The following NEGR1 variants were observed in gnomAD, a reference collection of about 807,000 sequenced individuals.
The protein encoded by NEGR1 is neuronal growth regulator 1.
In NEGR1, 10 loss-of-function variants were observed where a neutral mutation model predicts 40.9. That is an observed-to-expected ratio of 0.24 (90% confidence interval 0.15 to 0.42). NEGR1 has a LOEUF of 0.42. Ranked by LOEUF, NEGR1 falls within the 10% of genes least tolerant of loss-of-function variation. The probability of loss-of-function intolerance (pLI) is 1.00; values close to 1 mark genes in which losing one functional copy is unlikely to be tolerated. For missense variants in NEGR1, 352 were observed against 438.9 expected (o/e 0.80, Z 1.77); for synonymous variants, 185 against 166.8 (o/e 1.11, Z -0.84).
chr1:71,572,964 T>G (rs1194326918), intron 6 of NEGR1, among the ~76,000 whole-genome samples: 1 of 152,208 alleles, frequency 6.6e-6, no homozygotes, highest in Admixed American at 6.5e-5. Context: ...TACTCCTGGA[T>G]AAGCGTAGTT....
At chr1:71,486,603 C>G (rs1044630179) in intron 6 of NEGR1, 1 of 151,360 alleles carries the variant, frequency 6.6e-6, no homozygotes, top group Non-Finnish European at 1.5e-5. Context: ...CCTCTTATTG[C>G]TAGTTTAGCT....
chr1:71,548,463 C>T (rs2101465961), intron 6 of NEGR1, among the ~76,000 whole-genome samples: 1 of 151,698 alleles, frequency 6.6e-6, no homozygotes, highest in Admixed American at 6.6e-5. Flanking sequence ...ACAAATTTGT[C>T]AACCTTCAGA....
intron 1 of NEGR1, among the ~76,000 whole-genome samples, chr1:72,164,112 T>C (rs2821296): frequency 0.52 from 78,689 of 151,446 alleles, 21,174 homozygotes; most frequent in East Asian, 0.84. Flanking sequence ...GAGAAAAGTA[T>C]GCAGACTATG....
intron 3 of NEGR1, among the ~76,000 whole-genome samples, chr1:71,706,546 C>A (rs1197487159): frequency 1.4e-5 from 2 of 143,442 alleles, no homozygotes; most frequent in African/African-American, 5.2e-5. Context: ...TAACCCCAGG[C>A]TGCCACAGTT....
At chr1:71,899,365 G>A (rs575554289) in intron 2 of NEGR1, among the ~76,000 whole-genome samples, 22 of 152,028 alleles carry the variant, frequency 1.4e-4, no homozygotes, top group Non-Finnish European at 3.2e-4. Context: ...TGAGTAGGAA[G>A]ATGCAGATGG....
intron 4 of NEGR1, among the ~76,000 whole-genome samples, chr1:71,677,371 C>T (rs1051393073): frequency 6.6e-6 from 1 of 151,866 alleles, no homozygotes; most frequent in Non-Finnish European, 1.5e-5. Flanking sequence ...CCTTTAAATC[C>T]AATTCATAGC....
intron 4 of NEGR1, among the ~76,000 whole-genome samples, chr1:71,676,962 G>A (rs1652663058): frequency 6.6e-6 from 1 of 152,024 alleles, no homozygotes; most frequent in African/African-American, 2.4e-5. Flanking sequence ...TTAAAGCTTG[G>A]GCTTTCCAAT....
intron 6 of NEGR1, among the ~76,000 whole-genome samples, chr1:71,552,526 GAATA>G (rs1384017045): frequency 6.8e-6 from 1 of 147,174 alleles, no homozygotes; most frequent in Non-Finnish European, 1.5e-5. Flanking sequence ...AGAATATATA[GAATA>G]TATATAGGAT....
intron 4 of NEGR1, among the ~76,000 whole-genome samples, chr1:71,612,860 G>A (rs2101544549): frequency 6.6e-6 from 1 of 152,226 alleles, no homozygotes; most frequent in East Asian, 1.9e-4. Flanking sequence ...GATTGGTGTG[G>A]CCGACACAAA....
intron 6 of NEGR1, among the ~76,000 whole-genome samples, chr1:71,474,862 C>T (rs116678097): frequency 0.011 from 1,734 of 151,166 alleles, 30 homozygotes; most frequent in African/African-American, 0.04. Context: ...CATGCTCAAA[C>T]GTAAGATAAA....
intron 1 of NEGR1, among the ~76,000 whole-genome samples, chr1:72,175,356 T>C (rs528782157): frequency 1.4e-4 from 21 of 152,274 alleles, no homozygotes; most frequent in African/African-American, 5.1e-4. Flanking sequence ...AGGTAAGTCA[T>C]ATCTAGAAGT....
chr1:72,014,906 T>C (rs72937673), intron 1 of NEGR1, among the ~76,000 whole-genome samples: 107 of 152,208 alleles, frequency 7.0e-4, no homozygotes, highest in African/African-American at 2.5e-3. Flanking sequence ...CCCTGAAATA[T>C]GCCACAAGAA....
intron 1 of NEGR1, among the ~76,000 whole-genome samples, chr1:72,124,384 G>GA (rs540470183): frequency 5.1e-4 from 78 of 151,858 alleles, no homozygotes; most frequent in African/African-American, 1.9e-3. Flanking sequence ...AAAGAGAACT[G>GA]AAAAAAAGAT....
intron 6 of NEGR1, among the ~76,000 whole-genome samples, chr1:71,459,621 A>G (rs938427575): frequency 2.0e-5 from 3 of 152,062 alleles, no homozygotes; most frequent in Non-Finnish European, 4.4e-5. Context: ...TCTGCCTACA[A>G]TGGCCTCCTT....
At chr1:72,261,963 A>G (rs1216486182) in intron 1 of NEGR1, among the ~76,000 whole-genome samples, 1 of 152,066 alleles carries the variant, frequency 6.6e-6, no homozygotes, top group African/African-American at 2.4e-5. Flanking sequence ...CTTTGCCATT[A>G]CACAGTATCT....
At chr1:72,124,993 A>C (rs1007847651) in intron 1 of NEGR1, among the ~76,000 whole-genome samples, 3 of 152,130 alleles carry the variant, frequency 2.0e-5, no homozygotes, top group Non-Finnish European at 4.4e-5. Flanking sequence ...GGCGTATATA[A>C]AAGTCAAAAG....
chr1:71,756,418 A>C (rs1557640520), intron 3 of NEGR1, among the ~76,000 whole-genome samples: 1 of 151,412 alleles, frequency 6.6e-6, no homozygotes, highest in East Asian at 1.9e-4. Flanking sequence ...AAACAAAAAA[A>C]AAAAACCAAA....
At chr1:72,011,698 A>G (rs1278379042) in intron 1 of NEGR1, among the ~76,000 whole-genome samples, 2 of 152,168 alleles carry the variant, frequency 1.3e-5, no homozygotes, top group Admixed American at 6.6e-5. Context: ...AAAAGGAAAC[A>G]TCGGTGAATG....
intron 3 of NEGR1, among the ~76,000 whole-genome samples, chr1:71,746,007 C>G (rs530842165): frequency 6.6e-6 from 1 of 152,154 alleles, no homozygotes; most frequent in South Asian, 2.1e-4. Context: ...GAGTTTCCCC[C>G]CTCAGTCTGG....
Sources: allele counts gnomAD v4.1 joint callset (sites outside exome capture counted in the v4.1 genomes callset), GRCh38; gene constraint gnomAD v4.1.1; transcripts MANE v1.5; gene names NCBI Gene and HGNC (gene_info 2026-07-23, HGNC 2026-07-21).